BLOC1S3: variants seen among roughly 807,000 people sequenced by gnomAD.
BLOC1S3 encodes the protein biogenesis of lysosomal organelles complex 1 subunit 3.
Under a neutral mutation model 9.1 loss-of-function variants are expected in BLOC1S3, and 7 were observed. The ratio of observed to expected loss-of-function variants is 0.77; its 90% CI spans 0.44 to 1.45. The LOEUF is 1.45. Among genes scored for constraint, BLOC1S3 ranks in the 40% most tolerant of loss-of-function variants. BLOC1S3 has a pLI of 0.01. For synonymous variants in BLOC1S3, 145 were observed against 158.4 expected (o/e 0.92, Z 0.64); for missense variants, 307 against 315.2 (o/e 0.97, Z 0.20).
intron 3 of BLOC1S3, among the ~76,000 whole-genome samples, chr19:45,213,771 C>G (rs1969804426): frequency 6.6e-6 from 1 of 151,452 alleles, no homozygotes; most frequent in Admixed American, 6.6e-5. Context: ...ATGGCGAAAC[C>G]CTCTCTCTAC....
chr19:45,215,721 C>T (rs573149282), intron 3 of BLOC1S3, among the ~76,000 whole-genome samples: 18 of 152,274 alleles, frequency 1.2e-4, no homozygotes, highest in African/African-American at 3.4e-4. Context: ...CTGCGCCTGC[C>T]GCTGTCCCAG....
At chr19:45,202,085 G>A (rs556158467) in intron 2 of BLOC1S3, among the ~76,000 whole-genome samples, 2 of 151,648 alleles carry the variant, frequency 1.3e-5, no homozygotes, top group Admixed American at 6.6e-5. Context: ...TTAGCTGGGC[G>A]CCTGTAATCC....
chr19:45,182,298 C>A (rs1257584966), downstream of BLOC1S3, among the ~76,000 whole-genome samples: 1 of 152,060 alleles, frequency 6.6e-6, no homozygotes, highest in African/African-American at 2.4e-5. Flanking sequence ...TCGCTTGAAC[C>A]CTGGAGGCAG....
At chr19:45,213,417 C>A in intron 3 of BLOC1S3, 1 of 1,588,670 alleles carries the variant, frequency 6.3e-7, no homozygotes. Flanking sequence ...CACACCCAAC[C>A]CAGCCGTGGA....
At chr19:45,193,529 T>G (rs1361378196) in intron 2 of BLOC1S3, among the ~76,000 whole-genome samples, 1 of 152,114 alleles carries the variant, frequency 6.6e-6, no homozygotes, top group African/African-American at 2.4e-5. Flanking sequence ...AGATGGTCTC[T>G]GTCAAAAGAA....
At chr19:45,182,014 G>T (rs192555172), downstream of BLOC1S3, among the ~76,000 whole-genome samples, 1 of 152,124 alleles carries the variant, frequency 6.6e-6, no homozygotes, top group Non-Finnish European at 1.5e-5. Context: ...CCTGTGCTGC[G>T]GCTAGGGGTA....
chr19:45,212,233 G>A (rs897626282), intron 3 of BLOC1S3, among the ~76,000 whole-genome samples: 9 of 152,202 alleles, frequency 5.9e-5, no homozygotes, highest in African/African-American at 1.9e-4. Flanking sequence ...CCCAGCACAT[G>A]CAGCCTCCCT....
In BLOC1S3 at chr19:45,216,042, G is replaced by T. The variant is rs200217798; in HGVS notation, n.283-634G>T. 12 of 1,610,708 alleles carry T rather than the reference G, an allele frequency of 7.5e-6. No individual in the cohort carries two copies. In the South Asian group the frequency reaches 8.8e-5, roughly 12 times the overall value. On this transcript the variant is annotated intron_variant and non_coding_transcript_variant, in intron 3 of 3. Transcript: ENST00000591569. ...CCGCCAGGAGACCTCGGCCAGGCAC[G>T]GCGAGCCCTGGCCCAGGCGGGGTGT...
intron 2 of BLOC1S3, among the ~76,000 whole-genome samples, chr19:45,197,830 A>G: frequency 6.6e-6 from 1 of 150,830 alleles, no homozygotes; most frequent in Non-Finnish European, 1.5e-5. Context: ...GTCTCAAAAA[A>G]AAAAAAAAAA....
Position 45,179,352 on chromosome 19 carries a change from C to CG in BLOC1S3, c.61dup (p.Glu21GlyfsTer124), listed in dbSNP as rs1568469596. The stretch of plus-strand genomic sequence containing the variant: ...CTGCGGAGGCCGGAGACGGTGGTGC[C>CG]GGGGGAGGCGACCGAGACGGATTCC... On this transcript the variant is annotated frameshift_variant, in exon 2 of 2. Coordinates refer to ENST00000433642, the MANE Select transcript of BLOC1S3 (RefSeq NM_212550.5). LOFTEE classifies it high-confidence loss of function. This position sits in a 1 kb window ranked among gnomAD's most constrained non-coding sequence, Gnocchi z 4.6. 2.5e-6 allele frequency: 4 copies of CG among 1,585,976 alleles called. No homozygotes were observed. In the African/African-American group the frequency reaches 5.5e-5, roughly 22 times the overall value.
intron 2 of BLOC1S3, among the ~76,000 whole-genome samples, chr19:45,197,581 G>C (rs188523625): frequency 1.3e-5 from 2 of 151,488 alleles, no homozygotes; most frequent in African/African-American, 4.9e-5. Context: ...ATCCTAGCAC[G>C]TTGGGAGGCC....
At chr19:45,203,200 G>A (rs1421218722) in intron 3 of BLOC1S3, among the ~76,000 whole-genome samples, 1 of 152,034 alleles carries the variant, frequency 6.6e-6, no homozygotes, top group Non-Finnish European at 1.5e-5. Flanking sequence ...CTTGTTCTGA[G>A]CCCAGCAAGG....
chr19:45,205,095 A>G (rs1969717136), intron 3 of BLOC1S3, among the ~76,000 whole-genome samples: 1 of 152,112 alleles, frequency 6.6e-6, no homozygotes, highest in South Asian at 2.1e-4. Context: ...TTATGTAAAC[A>G]TCCAATTATA....
intron 3 of BLOC1S3, chr19:45,216,003 G>A: frequency 6.3e-7 from 1 of 1,591,714 alleles, no homozygotes; most frequent in Non-Finnish European, 8.6e-7. Flanking sequence ...GAAGCACAGG[G>A]ACGGATGCCA....
At chr19:45,209,717 G>A (rs866845834) in intron 3 of BLOC1S3, among the ~76,000 whole-genome samples, 18 of 150,860 alleles carry the variant, frequency 1.2e-4, no homozygotes, top group African/African-American at 3.9e-4. Flanking sequence ...CACCATGCCC[G>A]GCCTATTTTA....
downstream of BLOC1S3, among the ~76,000 whole-genome samples, chr19:45,183,623 C>CTTT (rs57651816): frequency 0.021 from 2,209 of 105,056 alleles, 138 homozygotes; most frequent in African/African-American, 0.081. Flanking sequence ...CTTTTCTTTT[C>CTTT]TTTTTTTTTT....
At chr19:45,186,067 T>C (rs1969563732), downstream of BLOC1S3, among the ~76,000 whole-genome samples, 1 of 151,666 alleles carries the variant, frequency 6.6e-6, no homozygotes, top group Admixed American at 6.6e-5. Context: ...GAGCCAAGAT[T>C]GCGCCACTGC....
intron 2 of BLOC1S3, among the ~76,000 whole-genome samples, chr19:45,190,494 C>T (rs117602337): frequency 0.04 from 6,106 of 151,666 alleles, 177 homozygotes; most frequent in South Asian, 0.075. Context: ...CCACCTCCTG[C>T]GCTCTAACCA....
intron 3 of BLOC1S3, among the ~76,000 whole-genome samples, chr19:45,204,419 C>T (rs1230666558): frequency 6.6e-6 from 1 of 152,008 alleles, no homozygotes; most frequent in Non-Finnish European, 1.5e-5. Context: ...TCTTGAACCC[C>T]TGACCTCAGG....
Sources: gnomAD v4.1 joint callset for allele counts (sites outside exome capture counted in the v4.1 genomes callset) on GRCh38, gnomAD v4.1.1 for gene constraint, Gnocchi (gnomAD v3.1) non-coding constraint, MANE v1.5 for transcripts, NCBI Gene and HGNC (gene_info 2026-07-23, HGNC 2026-07-21) for gene names.